CNOT10: variants seen among roughly 807,000 people sequenced by gnomAD.
The protein encoded by CNOT10 is CCR4-NOT transcription complex subunit 10, also known as CCR4-NOT transcription complex, subunit 10.
Under a neutral mutation model 94.6 loss-of-function variants are expected in CNOT10, and 30 were observed. The observed-to-expected ratio is 0.32, with a 90% confidence interval of 0.24 to 0.43. CNOT10 has a LOEUF of 0.43. Ranked by LOEUF, CNOT10 falls within the 20% of genes least tolerant of loss-of-function variation. The probability of loss-of-function intolerance (pLI) is 1.00; values close to 1 mark genes in which losing one functional copy is unlikely to be tolerated. For synonymous variants in CNOT10, 289 were observed against 301.6 expected (o/e 0.96, Z 0.43); for missense variants, 759 against 877.2 (o/e 0.87, Z 1.70).
intron 17 of CNOT10, among the ~76,000 whole-genome samples, chr3:32,768,168 A>G (rs1382894444): frequency 6.6e-6 from 1 of 152,192 alleles, no homozygotes; most frequent in Admixed American, 6.5e-5. Context: ...GCCATTAAGT[A>G]TCATAAAGAT....
intron 1 of CNOT10, among the ~76,000 whole-genome samples, chr3:32,692,104 T>C (rs989465707): frequency 2.0e-5 from 3 of 150,058 alleles, no homozygotes; most frequent in Admixed American, 6.6e-5. Context: ...TTCATACCTA[T>C]AAATCCTAGC....
intron 13 of CNOT10, chr3:32,753,356 GTAGTCATT>G (rs1700048331): frequency 1.6e-6 from 2 of 1,270,106 alleles, no homozygotes; most frequent in African/African-American, 2.9e-5. Flanking sequence ...AGAATCGCAA[GTAGTCATT>G]ACACTTACGA....
At chr3:32,726,549 A>G (rs1698672501) in intron 9 of CNOT10, among the ~76,000 whole-genome samples, 1 of 151,750 alleles carries the variant, frequency 6.6e-6, no homozygotes, top group Admixed American at 6.6e-5. Context: ...AAAAAAAATT[A>G]GCCGAGCATG....
Position 32,704,919 on chromosome 3 carries a change from A to G in CNOT10, c.226A>G (p.Asn76Asp). 2 of 1,566,194 alleles carry G rather than the reference A, an allele frequency of 1.3e-6. No individual in the cohort carries two copies. Among genetic ancestry groups the G allele is most frequent in the Non-Finnish European group, 8.6e-7 (1 of 1,165,790 alleles). The change falls in exon 3 of 19, where the codon AAC becomes GAC. Residue 76 changes from asparagine (N) to aspartate (D), a missense_variant. Physicochemically the swap from Asn to Asp is conservative, Grantham distance 23. Transcript: ENST00000328834. ...NTAVAEFFKS[N>D]QTTTDNLRQT... ...AGCAGTAGCTGAGTTTTTTAAAAGT[A>G]ACCAAACAACAACAGATAATTTGAG...
intron 13 of CNOT10, among the ~76,000 whole-genome samples, chr3:32,756,457 G>A (rs1013020641): frequency 1.3e-5 from 2 of 152,156 alleles, no homozygotes; most frequent in Non-Finnish European, 2.9e-5. Context: ...TTGACAGTGG[G>A]CTGGAGCAGT....
At chr3:32,700,672 C>T (rs1287959903) in intron 1 of CNOT10, among the ~76,000 whole-genome samples, 1 of 152,158 alleles carries the variant, frequency 6.6e-6, no homozygotes, top group African/African-American at 2.4e-5. Context: ...CTTTGAGTTT[C>T]AGTCTGAAGC....
chr3:32,769,414 A>G (rs1700800956), intron 17 of CNOT10: 1 of 164,172 alleles, frequency 6.1e-6, no homozygotes, highest in Non-Finnish European at 1.3e-5. Context: ...AAATTATTTT[A>G]TTGGACTAAA....
intron 1 of CNOT10, among the ~76,000 whole-genome samples, chr3:32,700,452 A>G (rs777138630): frequency 5.9e-5 from 9 of 152,138 alleles, no homozygotes; most frequent in African/African-American, 1.7e-4. Flanking sequence ...TCTTATTTCA[A>G]TTCTAAAAAT....
chr3:32,695,512 A>ATTC, intron 1 of CNOT10: 1 of 1,453,010 alleles, frequency 6.9e-7, no homozygotes, highest in Non-Finnish European at 9.1e-7. Flanking sequence ...AATGATTAAC[A>ATTC]TTCTGTATTG....
chr3:32,729,744 G>C (rs7634599), intron 10 of CNOT10, among the ~76,000 whole-genome samples: 2,428 of 148,750 alleles, frequency 0.016, 46 homozygotes, highest in Middle Eastern at 0.056. Context: ...AACAGTTCTA[G>C]GCAGAATTTA....
At chr3:32,719,206 G>A (rs760038372) in intron 7 of CNOT10, among the ~76,000 whole-genome samples, 1 of 152,082 alleles carries the variant, frequency 6.6e-6, no homozygotes, top group Non-Finnish European at 1.5e-5. Context: ...CCGAGATCGC[G>A]CCACTGCACT....
At chr3:32,754,489 A>AAAATATATATATAT (rs77878221) in intron 13 of CNOT10, among the ~76,000 whole-genome samples, 5 of 70,208 alleles carry the variant, frequency 7.1e-5, no homozygotes, top group Non-Finnish European at 8.9e-5. Flanking sequence ...AAAAAAAAAA[A>AAAATATATATATAT]ATACATATAT....
At chr3:32,747,325 G>C (rs1412781141) in intron 13 of CNOT10, among the ~76,000 whole-genome samples, 4 of 152,036 alleles carry the variant, frequency 2.6e-5, no homozygotes, top group African/African-American at 9.7e-5. Context: ...GCTGAAGCAG[G>C]AGAATCGCTT....
chr3:32,764,893 G>A lies in CNOT10; in HGVS notation c.2004+84G>A, dbSNP rs979627886. 3.8e-6 allele frequency: 6 copies of A among 1,564,500 alleles called. No individual in the cohort carries two copies. In the Admixed American group the frequency reaches 5.7e-5, roughly 15 times the overall value. On this transcript the variant is annotated intron_variant, in intron 17 of 18. Coordinates refer to ENST00000328834, the MANE Select transcript of CNOT10 (RefSeq NM_015442.3). ...TATATTTTTTGTTACTTTGTTTGAAGCATCTGATCAGTTTGTTAAATATTG... is the reference window on the plus strand; with the variant it reads ...TATATTTTTTGTTACTTTGTTTGAAACATCTGATCAGTTTGTTAAATATTG...
chr3:32,767,683 A>G (rs1055717724), intron 17 of CNOT10, among the ~76,000 whole-genome samples: 2 of 152,134 alleles, frequency 1.3e-5, no homozygotes, highest in Non-Finnish European at 2.9e-5. Context: ...ATCCCAGATC[A>G]GAAAAGTTAA....
chr3:32,749,149 A>G (rs1035940374), intron 13 of CNOT10, among the ~76,000 whole-genome samples: 1 of 148,156 alleles, frequency 6.7e-6, no homozygotes, highest in Admixed American at 6.8e-5. Context: ...CCTAGATACA[A>G]CTATCAGATA....
intron 13 of CNOT10, among the ~76,000 whole-genome samples, chr3:32,749,034 C>T (rs1382686256): frequency 2.6e-5 from 4 of 152,042 alleles, no homozygotes; most frequent in South Asian, 2.1e-4. Context: ...CTTGGCCAGG[C>T]TCGTCTCGAA....
rs1699252396 is a variant in CNOT10 at position 32,737,725 on chromosome 3, A to T, written c.1595+235A>T. Among the ~76,000 whole-genome samples the T allele has an allele frequency of 1.3e-5, 2 of 152,056 alleles. 1 individual carries two copies. Among genetic ancestry groups the T allele is most frequent in the Admixed American group, 1.3e-4 (2 of 15,270 alleles). On this transcript the variant is annotated intron_variant, in intron 13 of 18. Transcript: ENST00000328834. ...GTAATCCCAGTTACTTGGGAGGCTG[A>T]GGCAGGAGAATTGCTTGAACCCGGG...
At chr3:32,769,236 T>G (rs1466966468) in intron 17 of CNOT10, 1 of 152,354 alleles carries the variant, frequency 6.6e-6, no homozygotes, top group Non-Finnish European at 1.5e-5. Context: ...TGAGGAATAT[T>G]TTGGCTGTAG....
Sources: gnomAD v4.1 joint callset for allele counts (sites outside exome capture counted in the v4.1 genomes callset) on GRCh38, gnomAD v4.1.1 for gene constraint, MANE v1.5 for transcripts, NCBI Gene and HGNC (gene_info 2026-07-23, HGNC 2026-07-21) for gene names.